SETD5: variants seen among roughly 807,000 people sequenced by gnomAD.
SETD5 encodes histone-lysine N-methyltransferase SETD5.
A neutral mutation model predicts 153.3 loss-of-function variants in SETD5; 44 were observed. The observed-to-expected ratio is 0.29, with a 90% CI of 0.23 to 0.37. The LOEUF is 0.37. SETD5 is among the 10% of genes least tolerant of loss of function. SETD5 has a pLI of 1.00. For synonymous variants in SETD5, 716 were observed against 645.2 expected, an observed-to-expected ratio of 1.11 and a Z score of -1.66; for missense variants, 1,544 against 1,768.0, an observed-to-expected ratio of 0.87 and a Z score of 2.27.
chr3:9,475,171 T>A lies in SETD5; in HGVS notation c.3720+15T>A. 6.4e-7 allele frequency: 1 copy of A among 1,567,208 alleles called. No individual in the cohort carries two copies. The highest frequency in any genetic ancestry group is 8.7e-7 in the Non-Finnish European group (1 of 1,155,330). ...ACAGCTACCAGGTGAGATGAGAAATTGCTGGTCTCTAGCCATAGGAGTGTG... is the reference window on the plus strand; with the variant it reads ...ACAGCTACCAGGTGAGATGAGAAATAGCTGGTCTCTAGCCATAGGAGTGTG... On this transcript the variant is annotated intron_variant, in intron 22 of 22. Transcript: ENST00000402198.
intron 1 of SETD5, among the ~76,000 whole-genome samples, chr3:9,417,547 G>A (rs1279670283): frequency 4.7e-5 from 7 of 149,728 alleles, no homozygotes; most frequent in Non-Finnish European, 7.4e-5. Context: ...GTGCAGTGGC[G>A]TGATCTCCAC....
In SETD5 at chr3:9,455,168, C is replaced by CTTTTTTTTTTTTTTTTTTT. The variant is rs903600741; in HGVS notation, c.2476+1304_2476+1322dup. On this transcript the variant is annotated intron_variant, in intron 17 of 22. Transcript: ENST00000402198. ...GTGAATTGCCTTTTTTTCTTTTTTTCTTTTTTTTTTTTTTTTTTTTTTGAA... is the reference window on the plus strand; with the variant it reads ...GTGAATTGCCTTTTTTTCTTTTTTTCTTTTTTTTTTTTTTTTTTTTTTTTTTTTTTTTTTTTTTTTTGAA... Among the ~76,000 whole-genome samples the CTTTTTTTTTTTTTTTTTTT allele has an allele frequency of 8.5e-4, 85 of 99,888 alleles. 4 individuals are homozygous for CTTTTTTTTTTTTTTTTTTT. Among genetic ancestry groups the CTTTTTTTTTTTTTTTTTTT allele is most frequent in the African/African-American group, 2.4e-3 (61 of 25,264 alleles). 65.5% of individuals were successfully genotyped at this position (99,888 alleles called of 152,430 possible).
intron 7 of SETD5, 102 bp from the exon 8 acceptor site, chr3:9,440,354 A>G: frequency 1.5e-6 from 1 of 660,244 alleles, no homozygotes. Context: ...ATCAATTGCC[A>G]AGTGATAAAT....
intron 1 of SETD5, among the ~76,000 whole-genome samples, chr3:9,417,358 T>C (rs1445513175): frequency 6.6e-6 from 1 of 152,238 alleles, no homozygotes; most frequent in Non-Finnish European, 1.5e-5. Context: ...TTCCCTCATT[T>C]GGCCAGGGCA....
At chr3:9,475,401 G>T (rs2045755387) in intron 22 of SETD5, 82 bp from the exon 23 acceptor site, 9 of 1,514,864 alleles carry the variant, frequency 5.9e-6, no homozygotes, top group African/African-American at 1.4e-5. Flanking sequence ...GAAGAAAAAA[G>T]AATGTAGGGT....
intron 22 of SETD5, 30 bp from the exon 23 acceptor site, chr3:9,475,453 C>A (rs2045761590): frequency 6.3e-7 from 1 of 1,589,566 alleles, no homozygotes; most frequent in Non-Finnish European, 8.6e-7. Flanking sequence ...TTGTTCGCGT[C>A]CTTATTCGTT....
At chr3:9,460,131 A>C (rs113107000) in intron 17 of SETD5, among the ~76,000 whole-genome samples, 39 of 152,230 alleles carry the variant, frequency 2.6e-4, no homozygotes, top group African/African-American at 9.4e-4. Flanking sequence ...AAATACTATT[A>C]TCTACCTAGA....
At position 9,434,113 on chromosome 3, in the gene SETD5, G is replaced by GTTTTTA; in HGVS notation, c.177+165_177+170dup. On this transcript the variant is annotated intron_variant, in intron 4 of 22. Transcript: ENST00000402198. This position sits in a 1 kb window ranked among gnomAD's most constrained non-coding sequence, Gnocchi z 5.6. ...CGTCTAGCCCTGCATCATTGTTCTT[G>GTTTTTA]TTTTTATGTCCCAGTTGACCTTGGC... is the stretch of plus-strand genomic sequence containing the variant. 1 of 1,554,460 alleles carries GTTTTTA rather than the reference G, an allele frequency of 6.4e-7. No homozygotes were observed. Among genetic ancestry groups the GTTTTTA allele is most frequent in the Non-Finnish European group, 8.7e-7 (1 of 1,151,720 alleles).
At chr3:9,426,213 C>CTTTT (rs879676601) in intron 2 of SETD5, 1 of 68,498 alleles carries the variant, frequency 1.5e-5, no homozygotes, top group Non-Finnish European at 2.5e-5. Flanking sequence ...TCATCAGTCC[C>CTTTT]TTTTTTTTTT....
rs371224058 is a variant in SETD5, at chr3:9,464,549, G to T, written c.2601G>T (p.Gln867His). 86 of 1,613,966 alleles carry T rather than the reference G, an allele frequency of 5.3e-5. 4 individuals carry two copies. In the Middle Eastern group the frequency reaches 7.6e-3, roughly 142 times the overall value. The change falls in exon 18 of 23, where the codon CAG (glutamine) becomes CAT (histidine). Residue 867 changes from glutamine (Q) to histidine (H), a missense_variant. Physicochemically the swap from Gln to His is conservative, Grantham distance 24. This residue lies in a region of SETD5 where 782 missense variants were observed against 787.2 expected (regional missense o/e 0.99). Coordinates refer to ENST00000402198, the MANE Select transcript of SETD5 (RefSeq NM_001080517.3). ...CCAATTCAGGCTCAAAGAGTCCCCA[G>T]CTGGCCACACCTGGCTCATCTCACC... ...PPPNSGSKSP[Q>H]LATPGSSHPG...
intron 20 of SETD5, 103 bp from the exon 21 acceptor site, chr3:9,474,346 T>C (rs999603842): frequency 1.5e-6 from 2 of 1,308,202 alleles, no homozygotes; most frequent in Non-Finnish European, 2.1e-6. Flanking sequence ...AAGAAAGTAA[T>C]GTTTAAGAGG....
chr3:9,409,789 C>G (rs1010162036), intron 1 of SETD5, among the ~76,000 whole-genome samples: 8 of 152,122 alleles, frequency 5.3e-5, no homozygotes, highest in African/African-American at 1.7e-4. Flanking sequence ...ATTTTAAAAG[C>G]TGCATTTCAA....
At chr3:9,402,837 G>T (rs1009315600) in intron 1 of SETD5, among the ~76,000 whole-genome samples, 5 of 152,194 alleles carry the variant, frequency 3.3e-5, no homozygotes, top group Non-Finnish European at 7.3e-5. Flanking sequence ...TGAATTTCTT[G>T]CTGCTCTGTT....
intron 1 of SETD5, among the ~76,000 whole-genome samples, chr3:9,421,604 C>A (rs1308591372): frequency 6.6e-6 from 1 of 152,112 alleles, no homozygotes; most frequent in African/African-American, 2.4e-5. Flanking sequence ...TAAAGTCATT[C>A]AAAAGATAAA....
chr3:9,410,566 TATAATCAG>T (rs1403195842), intron 1 of SETD5, among the ~76,000 whole-genome samples: 3 of 152,322 alleles, frequency 2.0e-5, no homozygotes, highest in Middle Eastern at 3.4e-3. Context: ...CGAAGCTGGG[TATAATCAG>T]AAAAATTGAG....
intron 1 of SETD5, among the ~76,000 whole-genome samples, chr3:9,404,165 G>T (rs1471715985): frequency 6.6e-6 from 1 of 152,072 alleles, no homozygotes; most frequent in East Asian, 1.9e-4. Context: ...TTTCCCTTCT[G>T]TCTATACTGC....
At chr3:9,410,711 G>C (rs2036429697) in intron 1 of SETD5, among the ~76,000 whole-genome samples, 2 of 151,964 alleles carry the variant, frequency 1.3e-5, no homozygotes, top group Admixed American at 1.3e-4. Context: ...AAGCATTTAG[G>C]TTAGTTCATT....
chr3:9,440,610 A>G lies in SETD5; in HGVS notation c.722A>G (p.Lys241Arg), dbSNP rs1311365092. The G allele has an allele frequency of 3.7e-6, 6 of 1,614,014 alleles. No individual in the cohort carries two copies. Among genetic ancestry groups the G allele is most frequent in the East Asian group, 2.2e-5 (1 of 44,886 alleles). ...NALEQHLHSS[K>R]EFVGKPTILD... ...CTTGAACAACACCTACATTCTAGCAAGGAATTTGTGGGCAAACCTACTATT... is the reference window on the plus strand; with the variant it reads ...CTTGAACAACACCTACATTCTAGCAGGGAATTTGTGGGCAAACCTACTATT... The change falls in exon 8 of 23, where the codon AAG (lysine) becomes AGG (arginine). Residue 241 changes from lysine (K) to arginine (R), a missense_variant. Lys to Arg is a conservative substitution (Grantham distance 26). Coordinates refer to ENST00000402198, the MANE Select transcript of SETD5 (RefSeq NM_001080517.3).
At chr3:9,415,167 A>G (rs1304793369) in intron 1 of SETD5, among the ~76,000 whole-genome samples, 1 of 152,220 alleles carries the variant, frequency 6.6e-6, no homozygotes, top group Non-Finnish European at 1.5e-5. Flanking sequence ...TACCAGTTGT[A>G]TTCCTAACTA....
Sources: gnomAD v4.1 joint callset for allele counts (sites outside exome capture counted in the v4.1 genomes callset) on GRCh38, gnomAD v4.1.1 for gene constraint, gnomAD v4.1.1 regional missense constraint, Gnocchi (gnomAD v3.1) non-coding constraint, MANE v1.5 for transcripts, NCBI Gene and HGNC (gene_info 2026-07-23, HGNC 2026-07-21) for gene names.